ROBO1: variants seen among roughly 807,000 people sequenced by gnomAD.
The protein encoded by ROBO1 is roundabout homolog 1.
In ROBO1, 149 loss-of-function variants were observed where a neutral mutation model predicts 195.9. That is an observed-to-expected ratio of 0.76 (90% CI 0.67 to 0.87). The LOEUF (loss-of-function observed/expected upper bound fraction) is 0.87, where lower values mean the gene tolerates loss of function less well. Among genes scored for constraint, ROBO1 ranks in the 40% least tolerant of loss-of-function variants. The probability of loss-of-function intolerance (pLI) is 0.00; values close to 1 mark genes in which losing one functional copy is unlikely to be tolerated. For missense variants in ROBO1, 1,933 were observed against 2,068.3 expected, an observed-to-expected ratio of 0.93 and a Z score of 1.27; for synonymous variants, 816 against 733.2, an observed-to-expected ratio of 1.11 and a Z score of -1.82.
chr3:78,982,748 C>A (rs1434346819), intron 3 of ROBO1, among the ~76,000 whole-genome samples: 1 of 151,976 alleles, frequency 6.6e-6, no homozygotes, highest in Non-Finnish European at 1.5e-5. Flanking sequence ...CCTGCCTCAG[C>A]CTCCTGAACA....
intron 4 of ROBO1, among the ~76,000 whole-genome samples, chr3:78,880,684 G>A (rs138542256): frequency 1.3e-3 from 192 of 152,284 alleles, no homozygotes; most frequent in African/African-American, 4.5e-3. Context: ...TAGGCAGTTG[G>A]AGATCTAACC....
intron 2 of ROBO1, among the ~76,000 whole-genome samples, chr3:79,545,886 A>G (rs1942245544): frequency 2.0e-5 from 3 of 152,146 alleles, no homozygotes; most frequent in Non-Finnish European, 2.9e-5. Context: ...GAAACATCCT[A>G]GGATTGTATG....
At chr3:79,643,574 G>A (rs1353175442) in intron 1 of ROBO1, among the ~76,000 whole-genome samples, 1 of 152,060 alleles carries the variant, frequency 6.6e-6, no homozygotes, top group Non-Finnish European at 1.5e-5. Context: ...AAAGTATAAA[G>A]TTGTTTTTCT....
chr3:78,683,388 TG>T (rs1048954241), intron 10 of ROBO1, among the ~76,000 whole-genome samples: 5 of 151,714 alleles, frequency 3.3e-5, no homozygotes, highest in Admixed American at 3.3e-4. Flanking sequence ...GTTTAGGGAG[TG>T]GGTGTGTACA....
intron 1 of ROBO1, among the ~76,000 whole-genome samples, chr3:79,685,477 A>G (rs186605015): frequency 2.0e-3 from 302 of 152,324 alleles, no homozygotes; most frequent in African/African-American, 6.9e-3. Flanking sequence ...TCCAATGGCT[A>G]TCACTGCCTA....
At chr3:79,543,807 TA>T (rs1942164408) in intron 2 of ROBO1, among the ~76,000 whole-genome samples, 1 of 152,128 alleles carries the variant, frequency 6.6e-6, no homozygotes, top group Non-Finnish European at 1.5e-5. Flanking sequence ...TGAGATTTTC[TA>T]AATGCATTTG....
rs187998241 is a variant in ROBO1 at position 78,941,368 on chromosome 3, C to T, written c.173-2441G>A. ...AATTCAGATTGGATTTTATATTACT[C>T]ATCACAGTCAGTGCTATACAACTTC... On this transcript the variant is annotated intron_variant, in intron 3 of 30. Coordinates refer to ENST00000464233, the MANE Select transcript of ROBO1 (RefSeq NM_002941.4). Among the ~76,000 whole-genome samples the T allele has an allele frequency of 1.1e-3, 172 of 152,240 alleles. 4 individuals carry two copies. Among genetic ancestry groups the T allele is most frequent in the Admixed American group, 3.1e-3 (48 of 15,280 alleles).
intron 16 of ROBO1, 38 bp from the exon 17 acceptor site, chr3:78,659,845 G>A: frequency 6.4e-7 from 1 of 1,552,934 alleles, no homozygotes; most frequent in South Asian, 1.2e-5. Context: ...ATTAGAATGT[G>A]CTAGAGAACA....
intron 2 of ROBO1, among the ~76,000 whole-genome samples, chr3:79,465,088 T>C (rs1937884919): frequency 1.3e-5 from 2 of 152,204 alleles, no homozygotes; most frequent in South Asian, 4.1e-4. Flanking sequence ...AACAGATACA[T>C]AGAATTCAGG....
At chr3:79,656,272 T>C (rs1357487455) in intron 1 of ROBO1, among the ~76,000 whole-genome samples, 1 of 151,722 alleles carries the variant, frequency 6.6e-6, no homozygotes, top group Non-Finnish European at 1.5e-5. Context: ...ACATGTAAAG[T>C]CTGTGGTGAA....
rs1370977919 is a variant in ROBO1 at position 79,236,598 on chromosome 3, T to A, written c.89-111059A>T. On this transcript the variant is annotated intron_variant, in intron 2 of 30. Transcript: ENST00000464233. ...AATATATCTTTTAAGTATTATTTTT[T>A]AAATTTTTCTTTTGAATCAGGATTT... is the stretch of plus-strand genomic sequence containing the variant. Among the ~76,000 whole-genome samples, 5 of 152,196 alleles carry A rather than the reference T, an allele frequency of 3.3e-5. No individual in the cohort carries two copies. In the East Asian group the frequency reaches 7.7e-4, roughly 23 times the overall value.
intron 2 of ROBO1, among the ~76,000 whole-genome samples, chr3:79,305,357 C>G (rs1159875150): frequency 6.6e-6 from 1 of 151,826 alleles, no homozygotes; most frequent in Non-Finnish European, 1.5e-5. Context: ...TGTGGTGGCA[C>G]ATGCCTGTAA....
intron 3 of ROBO1, among the ~76,000 whole-genome samples, chr3:78,957,897 A>T (rs2041129355): frequency 6.6e-6 from 1 of 152,198 alleles, no homozygotes; most frequent in Non-Finnish European, 1.5e-5. Context: ...TTCAATAATA[A>T]TAAACCCAAT....
At chr3:79,666,894 A>G (rs1223443633) in intron 1 of ROBO1, among the ~76,000 whole-genome samples, 1 of 151,936 alleles carries the variant, frequency 6.6e-6, no homozygotes, top group African/African-American at 2.4e-5. Flanking sequence ...TTGCACCATT[A>G]AGGTAATAAA....
intron 2 of ROBO1, among the ~76,000 whole-genome samples, chr3:79,368,577 G>T (rs1355763386): frequency 7.2e-5 from 11 of 151,976 alleles, no homozygotes; most frequent in Admixed American, 2.0e-4. Flanking sequence ...CAGGTGTGAG[G>T]CTATTATGCC....
chr3:79,467,031 T>TGG (rs1456110456), intron 2 of ROBO1, among the ~76,000 whole-genome samples: 1 of 152,086 alleles, frequency 6.6e-6, no homozygotes, highest in Non-Finnish European at 1.5e-5. Context: ...TTGGAAGACA[T>TGG]GGCTCTGGAA....
At chr3:78,889,956 G>T (rs966830534) in intron 4 of ROBO1, among the ~76,000 whole-genome samples, 1 of 151,902 alleles carries the variant, frequency 6.6e-6, no homozygotes, top group South Asian at 2.1e-4. Flanking sequence ...CACTCTCTCA[G>T]CGAGGCCTGC....
In ROBO1 at chr3:79,421,993, A is replaced by G. The variant is rs573259621; in HGVS notation, c.88+167831T>C. On this transcript the variant is annotated intron_variant, in intron 2 of 30. Transcript: ENST00000464233. ...TGTACATTTTTATATCCACTCTGCA[A>G]CTCTGATTTATTCAGGGATAGTTGT... Among the ~76,000 whole-genome samples, 12 of 151,352 alleles carry G rather than the reference A, an allele frequency of 7.9e-5. No individual in the cohort carries two copies. In the East Asian group the frequency reaches 2.3e-3, roughly 29 times the overall value.
chr3:79,355,672 G>A (rs2035522387), intron 2 of ROBO1, among the ~76,000 whole-genome samples: 1 of 152,060 alleles, frequency 6.6e-6, no homozygotes, highest in Admixed American at 6.6e-5. Flanking sequence ...TTGTCTTTCT[G>A]TGCCTAGCTT....
Sources: gnomAD v4.1 joint callset for allele counts (sites outside exome capture counted in the v4.1 genomes callset) on GRCh38, gnomAD v4.1.1 for gene constraint, MANE v1.5 for transcripts, NCBI Gene and HGNC (gene_info 2026-07-23, HGNC 2026-07-21) for gene names.